INCA1: variants seen among roughly 807,000 people sequenced by gnomAD.
The protein encoded by INCA1 is protein INCA1.
Under a neutral mutation model 25.7 loss-of-function variants are expected in INCA1, and 28 were observed. The observed-to-expected ratio is 1.09, with a 90% CI of 0.81 to 1.49. The LOEUF is 1.49. INCA1 is among the 40% of genes most tolerant of loss of function. The probability of loss-of-function intolerance (pLI) is 0.00; values close to 1 mark genes in which losing one functional copy is unlikely to be tolerated. For synonymous variants in INCA1, 111 were observed against 103.6 expected, an observed-to-expected ratio of 1.07 and a Z score of -0.43; for missense variants, 309 against 290.9, an observed-to-expected ratio of 1.06 and a Z score of -0.45.
At chr17:4,996,382 T>C (rs1974262371) in intron 1 of INCA1, among the ~76,000 whole-genome samples, 1 of 145,718 alleles carries the variant, frequency 6.9e-6, no homozygotes, top group Non-Finnish European at 1.5e-5. Context: ...ACCCTGTTTC[T>C]AAGAAGAAAA....
chr17:4,988,819 G>T, exon 6 of INCA1: 3 of 1,614,190 alleles, frequency 1.9e-6, no homozygotes, highest in Non-Finnish European at 2.5e-6. Flanking sequence ...CTCTTCCTGT[G>T]GATAGGTTGC....
exon 5 of INCA1, chr17:4,989,612 A>T: frequency 6.2e-7 from 1 of 1,613,806 alleles, no homozygotes; most frequent in East Asian, 2.2e-5. Context: ...AGCTGGGAGC[A>T]ACCAGTGGCT....
At chr17:4,994,268 T>C in intron 2 of INCA1, 126 bp downstream of exon 2, 1 of 851,702 alleles carries the variant, frequency 1.2e-6, no homozygotes, top group Non-Finnish European at 1.9e-6. Context: ...TAATGAATCA[T>C]CAATCCCCTG....
chr17:4,989,797 C>CA (rs757423641), intron 4 of INCA1, 93 bp downstream of exon 4: 1 of 1,592,624 alleles, frequency 6.3e-7, no homozygotes, highest in Non-Finnish European at 8.6e-7. Context: ...TGGGGAATAA[C>CA]AGAGGGAAGC....
intron 5 of INCA1, 69 bp from the exon 6 acceptor site, chr17:4,989,013 T>C: frequency 2.0e-6 from 3 of 1,487,438 alleles, no homozygotes; most frequent in Non-Finnish European, 2.7e-6. Flanking sequence ...ATTCTTCACC[T>C]TTCTGTTCTG....
intron 1 of INCA1, among the ~76,000 whole-genome samples, chr17:4,994,913 G>A (rs1377045250): frequency 6.6e-6 from 1 of 151,690 alleles, no homozygotes; most frequent in Non-Finnish European, 1.5e-5. Context: ...AGCTTAAAAG[G>A]TATTTGTAGC....
rs983872023 is a variant in INCA1 at position 4,994,404 on chromosome 17, G to T, written c.34C>A (p.Pro12Thr). Residue 12 changes from proline to threonine, a missense_variant, in exon 2 of 7, where the codon CCC becomes ACC. Transcript: ENST00000576820. ...AGTGGGAGGACTCACTTGGCAAAGG[G>T]GATGAGGTTGACTCCATCATCCTGC... 5 of 1,613,888 alleles carry T rather than the reference G, an allele frequency of 3.1e-6. No individual in the cohort carries two copies. In the Admixed American group the frequency reaches 6.7e-5, roughly 22 times the overall value.
At chr17:4,996,611 G>C (rs1353825552) in intron 1 of INCA1, among the ~76,000 whole-genome samples, 3 of 148,944 alleles carry the variant, frequency 2.0e-5, no homozygotes, top group Non-Finnish European at 4.4e-5. Context: ...GAACCCAGGA[G>C]GCGGAGGTTG....
At chr17:4,993,140 A>C (rs1165431283) in intron 2 of INCA1, among the ~76,000 whole-genome samples, 2 of 151,336 alleles carry the variant, frequency 1.3e-5, no homozygotes, top group Admixed American at 1.3e-4. Flanking sequence ...TTGGCCTCCC[A>C]AAGTGCTCGG....
chr17:4,988,919 A>G (rs1221158234), exon 6 of INCA1: 1 of 1,614,094 alleles, frequency 6.2e-7, no homozygotes, highest in Non-Finnish European at 8.5e-7. Flanking sequence ...GCAGCCCCAG[A>G]GCTGCCCCAC....
At chr17:4,988,603 T>C (rs758502562) in intron 6 of INCA1, 49 bp from the exon 7 acceptor site, 108 of 1,602,190 alleles carry the variant, frequency 6.7e-5, no homozygotes, top group Non-Finnish European at 9.0e-5. Flanking sequence ...GTAGGTCTTC[T>C]TTCCAGATTT....
At chr17:4,988,230 G>A in exon 7 of INCA1, 1 of 619,996 alleles carries the variant, frequency 1.6e-6, no homozygotes, top group Non-Finnish European at 2.6e-6. Context: ...AGAGCGGTGG[G>A]TTGAGATGGG....
intron 2 of INCA1, among the ~76,000 whole-genome samples, chr17:4,993,275 G>A (rs1214079174): frequency 6.6e-6 from 1 of 151,868 alleles, no homozygotes; most frequent in Non-Finnish European, 1.5e-5. Flanking sequence ...TGCCTCCTGG[G>A]TTCAAGCGAT....
At position 4,989,949 on chromosome 17, in the gene INCA1, G is replaced by A. The variant is rs780519402; in HGVS notation, c.159-20C>T. The A allele has an allele frequency of 1.9e-6, 3 of 1,614,072 alleles. No homozygotes were observed. The highest frequency in any genetic ancestry group is 1.1e-5 in the South Asian group (1 of 91,072). On this transcript the variant is annotated intron_variant, in intron 3 of 6. Transcript: ENST00000576820. ...GTGGGGCTGTGAAGAACAAAAAGGGGGCTATAAGTGCAGAGGGGACATGTC... is the reference window on the plus strand; with the variant it reads ...GTGGGGCTGTGAAGAACAAAAAGGGAGCTATAAGTGCAGAGGGGACATGTC...
intron 5 of INCA1, 22 bp downstream of exon 5, chr17:4,989,406 C>A: frequency 6.2e-7 from 1 of 1,602,158 alleles, no homozygotes; most frequent in South Asian, 1.1e-5. Context: ...ACTCCCAGAA[C>A]CCAGATGTCT....
At chr17:4,989,727 T>C (rs899331822) in intron 4 of INCA1, 103 bp from the exon 5 acceptor site, 4 of 1,542,588 alleles carry the variant, frequency 2.6e-6, no homozygotes, top group African/African-American at 2.7e-5. Flanking sequence ...GGAAGACCCC[T>C]GTGATCTCGA....
intron 2 of INCA1, among the ~76,000 whole-genome samples, chr17:4,992,573 C>T (rs1430759835): frequency 6.6e-6 from 1 of 151,848 alleles, no homozygotes; most frequent in African/African-American, 2.4e-5. Flanking sequence ...TGTGAGCCAC[C>T]GCACCCGGCC....
At chr17:4,991,165 G>A (rs1386045311) in intron 2 of INCA1, among the ~76,000 whole-genome samples, 9 of 151,968 alleles carry the variant, frequency 5.9e-5, no homozygotes, top group African/African-American at 2.2e-4. Flanking sequence ...TGATCCACCC[G>A]CCTCGGCCTC....
chr17:4,994,421 T>A, exon 2 of INCA1: 1 of 1,613,728 alleles, frequency 6.2e-7, no homozygotes, highest in Non-Finnish European at 8.5e-7. Flanking sequence ...GTTGACTCCA[T>A]CATCCTGCAC....
Sources: gnomAD v4.1 joint callset for allele counts (sites outside exome capture counted in the v4.1 genomes callset) on GRCh38, gnomAD v4.1.1 for gene constraint, MANE v1.5 for transcripts, NCBI Gene and HGNC (gene_info 2026-07-23, HGNC 2026-07-21) for gene names.